The following GALNTL6 variants were observed in gnomAD, a reference collection of about 807,000 sequenced individuals.
GALNTL6 encodes polypeptide N-acetylgalactosaminyltransferase-like 6.
A neutral mutation model predicts 73.7 loss-of-function variants in GALNTL6; 46 were observed. The observed-to-expected ratio is 0.62, with a 90% CI of 0.49 to 0.80. The LOEUF (loss-of-function observed/expected upper bound fraction) is 0.80. Ranked by LOEUF, GALNTL6 falls within the 30% of genes least tolerant of loss-of-function variation. GALNTL6 has a pLI of 0.00. For missense variants in GALNTL6, 604 were observed against 755.0 expected (o/e 0.80, Z 2.34); for synonymous variants, 259 against 263.7 (o/e 0.98, Z 0.17).
At chr4:172,385,015 G>T (rs1299931515) in intron 5 of GALNTL6, among the ~76,000 whole-genome samples, 20 of 137,706 alleles carry the variant, frequency 1.5e-4, no homozygotes, top group Admixed American at 1.3e-3. Flanking sequence ...TTTTGTTGTT[G>T]TTTTGTTTTT....
At chr4:171,919,428 C>T (rs565568561) in intron 2 of GALNTL6, among the ~76,000 whole-genome samples, 7 of 152,114 alleles carry the variant, frequency 4.6e-5, no homozygotes, top group African/African-American at 1.4e-4. Flanking sequence ...GTCAGAGTTA[C>T]CCTAAGGACT....
intron 2 of GALNTL6, among the ~76,000 whole-genome samples, chr4:171,822,802 A>G (rs977547210): frequency 6.6e-6 from 1 of 152,224 alleles, no homozygotes. Context: ...AGGCATATGT[A>G]CACTTTAATA....
intron 5 of GALNTL6, among the ~76,000 whole-genome samples, chr4:172,774,437 G>A (rs187990320): frequency 3.9e-5 from 6 of 152,246 alleles, no homozygotes; most frequent in African/African-American, 1.4e-4. Flanking sequence ...GCAGGTTCTA[G>A]CTTATTAAAA....
At chr4:172,189,778 GTC>G (rs917163962) in intron 2 of GALNTL6, among the ~76,000 whole-genome samples, 1 of 151,900 alleles carries the variant, frequency 6.6e-6, no homozygotes, top group Non-Finnish European at 1.5e-5. Flanking sequence ...TATGCAGTTT[GTC>G]TGTTTCCTAA....
intron 5 of GALNTL6, among the ~76,000 whole-genome samples, chr4:172,683,686 A>G (rs1342121686): frequency 6.6e-6 from 1 of 152,232 alleles, no homozygotes; most frequent in African/African-American, 2.4e-5. Flanking sequence ...GAATTGTCAC[A>G]GTTATATTCC....
At chr4:172,551,568 T>C (rs1199590026) in intron 5 of GALNTL6, among the ~76,000 whole-genome samples, 1 of 152,138 alleles carries the variant, frequency 6.6e-6, no homozygotes, top group East Asian at 1.9e-4. Context: ...AAAACCAAAT[T>C]CCTGAAAAAG....
Position 172,689,103 on chromosome 4 carries a change from G to A in GALNTL6, c.554-120258G>A, listed in dbSNP as rs138638113. Among the ~76,000 whole-genome samples the A allele has an allele frequency of 7.1e-4, 108 of 152,244 alleles. 4 individuals carry two copies. Among genetic ancestry groups the A allele is most frequent in the African/African-American group, 2.4e-3 (98 of 41,538 alleles). ...AGTGTTAGAAGTTATATATGCTTGT[G>A]TTAGAAGTTATATATCCCCACCCCT... On this transcript the variant is annotated intron_variant, in intron 5 of 12. Transcript: ENST00000506823.
In GALNTL6 at chr4:171,827,683, G is replaced by GTATCT. The variant is rs551721201; in HGVS notation, c.138+12981_138+12985dup. Among the ~76,000 whole-genome samples, 41 of 152,080 alleles carry GTATCT rather than the reference G, an allele frequency of 2.7e-4. 2 individuals carry two copies. The South Asian group carries it at 6.4e-3, about 24-fold the overall frequency. The stretch of plus-strand genomic sequence containing the variant: ...TTCCCTATACCTTTCCTCCTTCTCT[G>GTATCT]TATCTTATCTTATCTTATCTAAAGG... On this transcript the variant is annotated intron_variant, in intron 2 of 12. Transcript: ENST00000506823.
chr4:172,266,591 G>A lies in GALNTL6; in HGVS notation c.247+36827G>A, dbSNP rs139952072. Among the ~76,000 whole-genome samples, 715 of 152,126 alleles carry A rather than the reference G, an allele frequency of 4.7e-3. 14 individuals carry two copies. The highest frequency in any genetic ancestry group is 0.021 in the East Asian group (107 of 5,172). On this transcript the variant is annotated intron_variant, in intron 3 of 12. Transcript: ENST00000506823. ...AAAACATTTATTAAAATACACGAAA[G>A]TACATTAAGTACTAGTTTACCTACA...
chr4:172,706,340 C>T (rs1365906994), intron 5 of GALNTL6, among the ~76,000 whole-genome samples: 4 of 152,044 alleles, frequency 2.6e-5, no homozygotes, highest in Admixed American at 2.6e-4. Context: ...TTAAATTTCT[C>T]ATAAATTTCT....
chr4:172,574,546 AG>A (rs1232159685), intron 5 of GALNTL6, among the ~76,000 whole-genome samples: 2 of 151,762 alleles, frequency 1.3e-5, no homozygotes, highest in Non-Finnish European at 2.9e-5. Context: ...AGACAAAAAA[AG>A]ATCCTCTAAT....
chr4:172,394,727 C>T (rs1219432221), intron 5 of GALNTL6, among the ~76,000 whole-genome samples: 2 of 152,084 alleles, frequency 1.3e-5, no homozygotes, highest in South Asian at 4.1e-4. Flanking sequence ...CCACCACGCC[C>T]GGCCCTTCTT....
intron 2 of GALNTL6, among the ~76,000 whole-genome samples, chr4:171,923,484 G>A (rs1737860668): frequency 6.8e-6 from 1 of 147,982 alleles, no homozygotes; most frequent in African/African-American, 2.5e-5. Context: ...TGCAAGCTCA[G>A]CCTCCTGGGT....
intron 6 of GALNTL6, among the ~76,000 whole-genome samples, chr4:172,813,147 C>A (rs564544258): frequency 6.6e-6 from 1 of 152,150 alleles, no homozygotes; most frequent in Non-Finnish European, 1.5e-5. Context: ...CTCCAGAAAG[C>A]AGGCCAGTAT....
chr4:172,926,622 T>A (rs1365924024), intron 8 of GALNTL6, among the ~76,000 whole-genome samples: 1 of 152,218 alleles, frequency 6.6e-6, no homozygotes, highest in Non-Finnish European at 1.5e-5. Context: ...ATCAATATTG[T>A]CACTTTTTTG....
Position 171,878,056 on chromosome 4 carries a change from C to A in GALNTL6, c.138+63338C>A, listed in dbSNP as rs191158188. ...TGTGAAACAATGAGATACAGTGGAA[C>A]TGTTTATAATTCTAGACTTCTGTTC... On this transcript the variant is annotated intron_variant, in intron 2 of 12. Transcript: ENST00000506823. Among the ~76,000 whole-genome samples the A allele has an allele frequency of 6.9e-3, 1,043 of 152,258 alleles. 8 individuals carry two copies. The highest frequency in any genetic ancestry group is 0.022 in the African/African-American group (905 of 41,562).
chr4:172,020,825 G>C (rs1741374219), intron 2 of GALNTL6, among the ~76,000 whole-genome samples: 1 of 151,864 alleles, frequency 6.6e-6, no homozygotes, highest in Non-Finnish European at 1.5e-5. Flanking sequence ...GTATTACCCT[G>C]ATACTTACAC....
Position 172,020,811 on chromosome 4 carries a change from G to A in GALNTL6, c.138+206093G>A, listed in dbSNP as rs151202439. 7.2e-3 allele frequency among the ~76,000 whole-genome samples: 1,096 copies of A among 151,950 alleles called. 14 individuals are homozygous for A. The highest frequency in any genetic ancestry group is 0.025 in the African/African-American group (1,054 of 41,476). On this transcript the variant is annotated intron_variant, in intron 2 of 12. Coordinates refer to ENST00000506823, the MANE Select transcript of GALNTL6 (RefSeq NM_001034845.3). Reference sequence around the variant, plus strand: ...AATACTTCCAAACTCATTCCACAAGGCCTGTATTACCCTGATACTTACACC... The same window carrying A: ...AATACTTCCAAACTCATTCCACAAGACCTGTATTACCCTGATACTTACACC...
intron 5 of GALNTL6, among the ~76,000 whole-genome samples, chr4:172,357,684 A>ATG (rs1228812520): frequency 3.4e-5 from 5 of 148,330 alleles, no homozygotes; most frequent in Non-Finnish European, 7.5e-5. Context: ...TCATATATAT[A>ATG]TGATGCTTTG....
Sources: gnomAD v4.1 joint callset for allele counts (sites outside exome capture counted in the v4.1 genomes callset) on GRCh38, gnomAD v4.1.1 for gene constraint, MANE v1.5 for transcripts, NCBI Gene and HGNC (gene_info 2026-07-23, HGNC 2026-07-21) for gene names.